INPP4B: variants seen among roughly 807,000 people sequenced by gnomAD.
The protein encoded by INPP4B is inositol polyphosphate 4-phosphatase type II.
In INPP4B, 55 loss-of-function variants were observed where a neutral mutation model predicts 122.5. That is an observed-to-expected ratio of 0.45 (90% CI 0.36 to 0.56). The LOEUF (loss-of-function observed/expected upper bound fraction) is 0.56, where lower values mean the gene tolerates loss of function less well. Among genes scored for constraint, INPP4B ranks in the 20% least tolerant of loss-of-function variants. The probability of loss-of-function intolerance (pLI) is 0.00; values close to 1 mark genes in which losing one functional copy is unlikely to be tolerated. For missense variants in INPP4B, 1,000 were observed against 1,097.7 expected (o/e 0.91, Z 1.26); for synonymous variants, 403 against 388.7 (o/e 1.04, Z -0.43).
At chr4:142,432,270 C>A (rs1210984346) in intron 3 of INPP4B, among the ~76,000 whole-genome samples, 2 of 151,984 alleles carry the variant, frequency 1.3e-5, no homozygotes, top group Non-Finnish European at 2.9e-5. Context: ...TAGCAGTAAT[C>A]AAGTTTGGTT....
chr4:142,119,953 C>G (rs974197771), intron 21 of INPP4B, among the ~76,000 whole-genome samples: 8 of 151,090 alleles, frequency 5.3e-5, no homozygotes, highest in Non-Finnish European at 1.2e-4. Flanking sequence ...ACAAATATTT[C>G]CTTCTGAGTT....
At chr4:142,600,037 C>T (rs1170630357) in intron 2 of INPP4B, among the ~76,000 whole-genome samples, 1 of 151,950 alleles carries the variant, frequency 6.6e-6, no homozygotes, top group Non-Finnish European at 1.5e-5. Flanking sequence ...TATTAAGTGA[C>T]AAAATATATG....
intron 2 of INPP4B, among the ~76,000 whole-genome samples, chr4:142,594,218 A>G (rs958516185): frequency 5.3e-5 from 8 of 152,126 alleles, no homozygotes; most frequent in Non-Finnish European, 1.2e-4. Context: ...TGCACCAGAC[A>G]TTTCCCAGTG....
intron 15 of INPP4B, among the ~76,000 whole-genome samples, chr4:142,192,113 T>C (rs964919467): frequency 6.6e-6 from 1 of 151,696 alleles, no homozygotes; most frequent in Non-Finnish European, 1.5e-5. Flanking sequence ...TGACTATTTT[T>C]CCCTAACTTT....
intron 2 of INPP4B, among the ~76,000 whole-genome samples, chr4:142,603,240 G>C (rs1183960605): frequency 1.3e-5 from 2 of 152,062 alleles, no homozygotes; most frequent in Non-Finnish European, 2.9e-5. Context: ...AGGGGTGTGG[G>C]GGGAGGGAGA....
chr4:142,364,252 C>T (rs2148595378), intron 7 of INPP4B, among the ~76,000 whole-genome samples: 1 of 152,120 alleles, frequency 6.6e-6, no homozygotes, highest in African/African-American at 2.4e-5. Context: ...GGTCCCTCAT[C>T]TTCAGAGCTT....
At chr4:142,357,916 T>C (rs1057142826) in intron 7 of INPP4B, among the ~76,000 whole-genome samples, 4 of 151,988 alleles carry the variant, frequency 2.6e-5, no homozygotes, top group Non-Finnish European at 4.4e-5. Context: ...ATTTTTTGAA[T>C]TGAAGTAAGA....
chr4:142,637,400 T>A (rs538089372), intron 2 of INPP4B, among the ~76,000 whole-genome samples: 27 of 152,288 alleles, frequency 1.8e-4, no homozygotes, highest in African/African-American at 6.0e-4. Flanking sequence ...TTTTATTATC[T>A]CCATAGTTTT....
intron 12 of INPP4B, among the ~76,000 whole-genome samples, chr4:142,209,357 T>C (rs184844051): frequency 2.0e-5 from 3 of 152,234 alleles, no homozygotes; most frequent in Admixed American, 2.0e-4. Context: ...AAAACCTCTA[T>C]GTAAAGATGG....
intron 25 of INPP4B, chr4:142,030,015 T>G: frequency 7.2e-7 from 1 of 1,381,196 alleles, no homozygotes; most frequent in Non-Finnish European, 9.4e-7. Flanking sequence ...TAAACACAAT[T>G]TAACATTTTT....
intron 21 of INPP4B, among the ~76,000 whole-genome samples, chr4:142,119,238 C>T (rs1302835281): frequency 2.6e-5 from 4 of 152,082 alleles, no homozygotes; most frequent in African/African-American, 4.8e-5. Flanking sequence ...GACAGTGTGG[C>T]GATTCCTCAA....
intron 9 of INPP4B, among the ~76,000 whole-genome samples, chr4:142,276,719 C>G (rs76167230): frequency 6.6e-6 from 1 of 151,770 alleles, no homozygotes; most frequent in African/African-American, 2.4e-5. Context: ...AAGAGCATGA[C>G]GTAGAAATGT....
intron 7 of INPP4B, among the ~76,000 whole-genome samples, chr4:142,386,328 T>A (rs392280): frequency 6.6e-6 from 1 of 152,168 alleles, no homozygotes; most frequent in African/African-American, 2.4e-5. Context: ...TAATCTATTG[T>A]GATAATGCTA....
At chr4:142,564,520 A>C (rs1044727587) in intron 2 of INPP4B, among the ~76,000 whole-genome samples, 1 of 150,720 alleles carries the variant, frequency 6.6e-6, no homozygotes, top group East Asian at 2.0e-4. Context: ...ACCATGGAAG[A>C]CTGGAGGCTC....
At chr4:142,276,808 T>G (rs888815285) in intron 9 of INPP4B, among the ~76,000 whole-genome samples, 1 of 151,884 alleles carries the variant, frequency 6.6e-6, no homozygotes, top group African/African-American at 2.4e-5. Context: ...ATATGAGGAA[T>G]TATACAAATA....
intron 2 of INPP4B, among the ~76,000 whole-genome samples, chr4:142,703,459 C>T (rs1191468162): frequency 1.3e-5 from 2 of 152,064 alleles, no homozygotes; most frequent in Non-Finnish European, 2.9e-5. Flanking sequence ...CAGCCTTAAA[C>T]AGATTGTTAA....
At chr4:142,583,000 A>G (rs1261940572) in intron 2 of INPP4B, among the ~76,000 whole-genome samples, 1 of 152,158 alleles carries the variant, frequency 6.6e-6, no homozygotes, top group African/African-American at 2.4e-5. Flanking sequence ...AATGCAGAGA[A>G]TGCATTGCTA....
chr4:142,465,241 T>A (rs1179183981), intron 2 of INPP4B, among the ~76,000 whole-genome samples: 3 of 151,534 alleles, frequency 2.0e-5, no homozygotes, highest in African/African-American at 4.8e-5. Context: ...TCTTTCAGAC[T>A]TTTTTTTTGT....
chr4:142,776,648 C>A (rs182315380), intron 1 of INPP4B, among the ~76,000 whole-genome samples: 1 of 152,168 alleles, frequency 6.6e-6, no homozygotes, highest in East Asian at 1.9e-4. Flanking sequence ...AAATAGACAC[C>A]CAAGTCTCCA....
Sources: gnomAD v4.1 joint callset for allele counts (sites outside exome capture counted in the v4.1 genomes callset) on GRCh38, gnomAD v4.1.1 for gene constraint, MANE v1.5 for transcripts, NCBI Gene and HGNC (gene_info 2026-07-23, HGNC 2026-07-21) for gene names.